Variants in MGMT observed in about 807,000 individuals in gnomAD.
MGMT encodes methylated-DNA--protein-cysteine methyltransferase.
In MGMT, 14 loss-of-function variants were observed where a neutral mutation model predicts 15.9. That is an observed-to-expected ratio of 0.88 (90% CI 0.58 to 1.37). The LOEUF is 1.37. Ranked by LOEUF, MGMT falls within the 40% of genes most tolerant of loss-of-function variation. The pLI, the probability that MGMT is intolerant of heterozygous loss-of-function variation, is 0.00. For synonymous variants in MGMT, 130 were observed against 118.2 expected (o/e 1.10, Z -0.65); for missense variants, 282 against 268.1 (o/e 1.05, Z -0.36).
chr10:129,548,299 A>G (rs928382677), intron 2 of MGMT, among the ~76,000 whole-genome samples: 9 of 152,232 alleles, frequency 5.9e-5, no homozygotes, highest in African/African-American at 2.2e-4. Flanking sequence ...CACTAAAAAT[A>G]TATGCTCCTG....
chr10:129,699,952 T>TA (rs1415724347), intron 2 of MGMT, among the ~76,000 whole-genome samples: 3,445 of 151,610 alleles, frequency 0.023, 120 homozygotes, highest in African/African-American at 0.068. Context: ...CCAGAAAGTT[T>TA]TAAAAAAAAA....
At chr10:129,500,481 C>G (rs1394180671) in intron 1 of MGMT, among the ~76,000 whole-genome samples, 4 of 152,202 alleles carry the variant, frequency 2.6e-5, no homozygotes, top group African/African-American at 9.7e-5. Flanking sequence ...GGTTCCTCAC[C>G]TGTGATACAT....
rs570852361 is a variant in MGMT at position 129,585,703 on chromosome 10, A to G, written c.125+49326A>G. On this transcript the variant is annotated intron_variant, in intron 2 of 4. Transcript: ENST00000651593. ...TTGAACTTTGTAGAATTTTTTTCCG[A>G]ATATTTTTGATCTGTGGTTGGTTGA... Among the ~76,000 whole-genome samples the G allele has an allele frequency of 2.6e-5, 4 of 152,182 alleles. No homozygotes were observed. The East Asian group carries it at 7.7e-4, about 29-fold the overall frequency.
chr10:129,731,449 G>A (rs143944572), intron 3 of MGMT, among the ~76,000 whole-genome samples: 74 of 137,430 alleles, frequency 5.4e-4, no homozygotes, highest in African/African-American at 1.9e-3. Flanking sequence ...TGCAACATCT[G>A]CCTCCTGGGT....
chr10:129,709,464 G>A (rs530829634), intron 3 of MGMT, among the ~76,000 whole-genome samples: 45 of 152,304 alleles, frequency 3.0e-4, no homozygotes, highest in African/African-American at 1.1e-3. Context: ...TTAGAGTGGT[G>A]AACTCTTCTC....
intron 1 of MGMT, among the ~76,000 whole-genome samples, chr10:129,530,076 G>GT (rs1426261046): frequency 6.6e-6 from 1 of 151,618 alleles, no homozygotes; most frequent in East Asian, 1.9e-4. Flanking sequence ...ATGTTTTTAT[G>GT]TTTTTTAGTA....
At chr10:129,632,197 A>G (rs1158652994) in intron 2 of MGMT, among the ~76,000 whole-genome samples, 2 of 152,230 alleles carry the variant, frequency 1.3e-5, no homozygotes, top group Admixed American at 1.3e-4. Flanking sequence ...AGCCTGGCTT[A>G]CGGATGTTTC....
intron 2 of MGMT, among the ~76,000 whole-genome samples, chr10:129,574,331 C>G (rs1164230280): frequency 6.6e-6 from 1 of 152,220 alleles, no homozygotes; most frequent in Admixed American, 6.5e-5. Context: ...CAGCCCTTTC[C>G]ACCCGTAGCA....
At chr10:129,612,838 A>T (rs1371511833) in intron 2 of MGMT, among the ~76,000 whole-genome samples, 1 of 152,216 alleles carries the variant, frequency 6.6e-6, no homozygotes, top group Non-Finnish European at 1.5e-5. Flanking sequence ...TTCTTTAAAC[A>T]GGCTCTGCCT....
At chr10:129,689,042 AC>A in intron 2 of MGMT, among the ~76,000 whole-genome samples, 1 of 152,078 alleles carries the variant, frequency 6.6e-6, no homozygotes, top group East Asian at 1.9e-4. Context: ...GCTCACTGCA[AC>A]CTCAGCCTCC....
At chr10:129,520,328 A>G (rs35778904) in intron 1 of MGMT, among the ~76,000 whole-genome samples, 37,229 of 151,994 alleles carry the variant, frequency 0.24, 5,403 homozygotes, top group African/African-American at 0.41. Context: ...GCTGCTACCC[A>G]TGATGCTAGA....
chr10:129,492,183 T>C (rs138984676), intron 1 of MGMT, among the ~76,000 whole-genome samples: 124 of 152,278 alleles, frequency 8.1e-4, no homozygotes, highest in African/African-American at 3.0e-3. Context: ...GTTATTTTAC[T>C]AAAACTCAGT....
At chr10:129,483,062 G>A (rs906383325) in intron 1 of MGMT, among the ~76,000 whole-genome samples, 3 of 152,084 alleles carry the variant, frequency 2.0e-5, no homozygotes, top group Non-Finnish European at 2.9e-5. Flanking sequence ...TGGCTTGTTA[G>A]CTATCTCTCT....
intron 2 of MGMT, among the ~76,000 whole-genome samples, chr10:129,574,317 T>C (rs535754455): frequency 6.6e-6 from 1 of 152,232 alleles, no homozygotes; most frequent in African/African-American, 2.4e-5. Context: ...GGCCTATGCC[T>C]TGGCAGCCCT....
intron 1 of MGMT, among the ~76,000 whole-genome samples, chr10:129,467,759 G>A (rs1442327139): frequency 6.6e-6 from 1 of 152,198 alleles, no homozygotes; most frequent in Non-Finnish European, 1.5e-5. Flanking sequence ...GGGGCCTTCT[G>A]GTTACTATGG....
At chr10:129,538,221 G>A (rs868576800) in intron 2 of MGMT, among the ~76,000 whole-genome samples, 22 of 152,174 alleles carry the variant, frequency 1.4e-4, no homozygotes, top group African/African-American at 3.6e-4. Context: ...GTGTACAACC[G>A]TATAACTACC....
At chr10:129,686,941 A>G (rs12220782) in intron 2 of MGMT, among the ~76,000 whole-genome samples, 43,923 of 151,818 alleles carry the variant, frequency 0.29, 6,601 homozygotes, top group East Asian at 0.56. Context: ...GAACAAAAAC[A>G]TGACTGACCA....
intron 1 of MGMT, among the ~76,000 whole-genome samples, chr10:129,535,677 T>G (rs1465089714): frequency 1.3e-5 from 2 of 152,188 alleles, no homozygotes; most frequent in Non-Finnish European, 2.9e-5. Flanking sequence ...AAATGTAAAT[T>G]AAATGTGCTT....
chr10:129,467,453 G>A lies in MGMT; in HGVS notation c.-13+157G>A, dbSNP rs902711064. ...CGGGCGAGCTCCAGGTGCGCCCCAA[G>A]TGCCTCCCAGGTGTTGCCCAGCCTT... On this transcript the variant is annotated intron_variant, in intron 1 of 4. Transcript: ENST00000651593. The A allele has an allele frequency of 1.2e-5, 12 of 983,770 alleles. No individual in the cohort carries two copies. The East Asian group carries it at 1.4e-3, about 112-fold the overall frequency. 60.9% of individuals were successfully genotyped at this position (983,770 alleles called of 1,614,324 possible).
Sources: allele counts gnomAD v4.1 joint callset (sites outside exome capture counted in the v4.1 genomes callset), GRCh38; gene constraint gnomAD v4.1.1; transcripts MANE v1.5; gene names NCBI Gene and HGNC (gene_info 2026-07-23, HGNC 2026-07-21).